Variants in RNF216 observed in about 807,000 individuals in gnomAD.
RNF216 encodes the protein ring finger protein 216, also known as E3 ubiquitin-protein ligase RNF216.
In RNF216, 72 loss-of-function variants were observed where a neutral mutation model predicts 110.8. That is an observed-to-expected ratio of 0.65 (90% confidence interval 0.54 to 0.79). The LOEUF is 0.79. Among genes scored for constraint, RNF216 ranks in the 30% least tolerant of loss-of-function variants. The probability of loss-of-function intolerance (pLI) is 0.00; values close to 1 mark genes in which losing one functional copy is unlikely to be tolerated. For missense variants in RNF216, 1,342 were observed against 1,141.2 expected, an observed-to-expected ratio of 1.18 and a Z score of -2.54; for synonymous variants, 495 against 407.5, an observed-to-expected ratio of 1.21 and a Z score of -2.59.
chr7:5,712,019 G>A (rs6958627), intron 12 of RNF216, 180 bp from the exon 13 acceptor site: 1 of 591,578 alleles, frequency 1.7e-6, no homozygotes, highest in Non-Finnish European at 3.0e-6. Context: ...GCTCTTATCA[G>A]GAAACATAAG....
chr7:5,727,570 T>A (rs1362380204), intron 7 of RNF216, among the ~76,000 whole-genome samples: 1 of 151,440 alleles, frequency 6.6e-6, no homozygotes, highest in Non-Finnish European at 1.5e-5. Context: ...CTACAAAAAA[T>A]GAAATAAAAA....
chr7:5,729,446 C>T lies in RNF216; in HGVS notation c.1375G>A (p.Ala459Thr). Residue 459 changes from alanine (A) to threonine (T), a missense_variant, in exon 7 of 17, where the codon GCA becomes ACA. Ala to Thr is a moderately conservative substitution (Grantham distance 58). Coordinates refer to ENST00000389902, the MANE Select transcript of RNF216 (RefSeq NM_207111.4). ...AAGTAGAGTACCTTTCGGGTGATTG[C>T]ATAGTGTCCTTTGAGCTCGTGCAGG... ...WALHELKGHY[A>T]ITRKALSDAI... 3.1e-6 allele frequency: 5 copies of T among 1,614,128 alleles called. No homozygotes were observed. Among genetic ancestry groups the T allele is most frequent in the Non-Finnish European group, 4.2e-6 (5 of 1,180,024 alleles).
intron 2 of RNF216, chr7:5,760,500 G>C (rs1562469730): frequency 6.0e-6 from 2 of 332,512 alleles, no homozygotes. Flanking sequence ...TGGGCAATGA[G>C]TAAAATTCCA....
At chr7:5,693,715 G>A (rs1376665034) in intron 13 of RNF216, among the ~76,000 whole-genome samples, 1 of 152,150 alleles carries the variant, frequency 6.6e-6, no homozygotes, top group Non-Finnish European at 1.5e-5. Context: ...CTGTGCTTGT[G>A]TTGTTCTAAA....
intron 13 of RNF216, among the ~76,000 whole-genome samples, chr7:5,665,554 T>C (rs1789453267): frequency 6.6e-6 from 1 of 152,130 alleles, no homozygotes; most frequent in East Asian, 1.9e-4. Flanking sequence ...TCTGTGCTAA[T>C]GCTGCCCCCT....
intron 5 of RNF216, among the ~76,000 whole-genome samples, chr7:5,737,527 A>G (rs1047503376): frequency 8.6e-5 from 10 of 115,616 alleles, no homozygotes; most frequent in Admixed American, 7.8e-4. Context: ...ATTAAAAATA[A>G]TAATAATAAT....
At chr7:5,693,921 A>G (rs925510141) in intron 13 of RNF216, among the ~76,000 whole-genome samples, 15 of 152,168 alleles carry the variant, frequency 9.9e-5, no homozygotes, top group African/African-American at 2.4e-5. Context: ...ACGAAAATTA[A>G]TAACTGTTCT....
rs545720065 is a variant in RNF216, at chr7:5,736,889, G to A, written c.1121+2387C>T. Reference sequence around the variant, plus strand: ...TGAGGAGCCCCTCCGCCCGGCAGCCGCCCCGTCCGGGAAGTGAGGAGCCCC... The same window carrying A: ...TGAGGAGCCCCTCCGCCCGGCAGCCACCCCGTCCGGGAAGTGAGGAGCCCC... On this transcript the variant is annotated intron_variant, in intron 5 of 16. Coordinates refer to ENST00000389902, the MANE Select transcript of RNF216 (RefSeq NM_207111.4). Among the ~76,000 whole-genome samples, 649 of 149,232 alleles carry A rather than the reference G, an allele frequency of 4.3e-3. 3 individuals are homozygous for A. Among genetic ancestry groups the A allele is most frequent in the African/African-American group, 0.014 (582 of 40,284 alleles).
chr7:5,645,461 T>A (rs1399681459), intron 14 of RNF216, among the ~76,000 whole-genome samples: 1 of 152,242 alleles, frequency 6.6e-6, no homozygotes, highest in Non-Finnish European at 1.5e-5. Flanking sequence ...TCCAACTGCA[T>A]AATTTCAACA....
At position 5,622,434 on chromosome 7, in the gene RNF216, C is replaced by G. The variant is rs1786425978; in HGVS notation, c.*426G>C. 1 of 163,534 alleles carries G rather than the reference C, an allele frequency of 6.1e-6. No individual in the cohort carries two copies. The highest frequency in any genetic ancestry group is 6.3e-5 in the Admixed American group (1 of 15,974). 10.1% of individuals were successfully genotyped at this position (163,534 alleles called of 1,614,324 possible). A position where few individuals can be genotyped will look rare whatever the true frequency, so the allele number is the denominator to read the frequency against. ...CCACCCTGAGCAATGCTTCCCAGGC[C>G]CGCAGGTGCAGCCCCCTCTGCCCTT... On this transcript the variant is annotated 3_prime_UTR_variant, in exon 17 of 17. Transcript: ENST00000389902.
intron 5 of RNF216, among the ~76,000 whole-genome samples, chr7:5,737,434 T>C (rs988254828): frequency 1.3e-5 from 2 of 152,124 alleles, no homozygotes; most frequent in African/African-American, 4.8e-5. Context: ...CTTTGTTCAC[T>C]TGTTTATCTG....
chr7:5,666,280 G>T (rs1177138879), intron 13 of RNF216, among the ~76,000 whole-genome samples: 1 of 152,114 alleles, frequency 6.6e-6, no homozygotes, highest in East Asian at 1.9e-4. Context: ...AGACATGATT[G>T]TAAGTGCTGA....
intron 1 of RNF216, among the ~76,000 whole-genome samples, chr7:5,771,106 C>A (rs1187850182): frequency 6.6e-6 from 1 of 152,040 alleles, no homozygotes; most frequent in Non-Finnish European, 1.5e-5. Context: ...ACACCTGGCC[C>A]CAGATTCAGT....
chr7:5,780,987 C>T (rs1797054418), intron 1 of RNF216, among the ~76,000 whole-genome samples: 1 of 152,224 alleles, frequency 6.6e-6, no homozygotes, highest in African/African-American at 2.4e-5. Context: ...GCCGGGCCAG[C>T]CCCCAGCGCC....
intron 9 of RNF216, among the ~76,000 whole-genome samples, chr7:5,720,414 A>G (rs891882729): frequency 6.6e-6 from 1 of 152,232 alleles, no homozygotes; most frequent in Non-Finnish European, 1.5e-5. Context: ...CTAAGAATAC[A>G]GCATGTAATA....
chr7:5,690,290 G>C (rs2128612725), intron 13 of RNF216, among the ~76,000 whole-genome samples: 1 of 147,718 alleles, frequency 6.8e-6, no homozygotes, highest in Middle Eastern at 3.6e-3. Context: ...TCGCGCCATT[G>C]CACTCTAGCC....
At chr7:5,775,741 C>A (rs923213195) in intron 1 of RNF216, among the ~76,000 whole-genome samples, 1 of 151,958 alleles carries the variant, frequency 6.6e-6, no homozygotes, top group Non-Finnish European at 1.5e-5. Flanking sequence ...TGGTTGCAGG[C>A]ACCTGTAGTC....
At chr7:5,779,139 G>A (rs1035914273) in intron 1 of RNF216, among the ~76,000 whole-genome samples, 2 of 152,208 alleles carry the variant, frequency 1.3e-5, no homozygotes, top group African/African-American at 4.8e-5. Context: ...GCAATGCCTA[G>A]AATTTTGTAA....
chr7:5,655,618 G>A (rs138578369), intron 13 of RNF216, among the ~76,000 whole-genome samples: 8 of 151,106 alleles, frequency 5.3e-5, no homozygotes, highest in African/African-American at 1.9e-4. Context: ...AAAAAGGGGG[G>A]ACAAAAAAAG....
Sources: gnomAD v4.1 joint callset for allele counts (sites outside exome capture counted in the v4.1 genomes callset) on GRCh38, gnomAD v4.1.1 for gene constraint, MANE v1.5 for transcripts, NCBI Gene and HGNC (gene_info 2026-07-23, HGNC 2026-07-21) for gene names.